OR1J2: variants seen among roughly 807,000 people sequenced by gnomAD.
OR1J2 encodes olfactory receptor family 1 subfamily J member 2.
For synonymous variants in OR1J2, 142 were observed against 99.7 expected (o/e 1.42, Z -2.52); for missense variants, 304 against 246.1 (o/e 1.24, Z -1.57).
chr9:122,451,249 G>A, the OR1J2 span, among the ~76,000 whole-genome samples: 12 of 151,022 alleles, frequency 7.9e-5, no homozygotes, highest in Admixed American at 5.3e-4. Flanking sequence ...GCAATGGCGC[G>A]ATCTCAGCTC....
chr9:122,496,176 T>C, the OR1J2 span, among the ~76,000 whole-genome samples: 1 of 152,176 alleles, frequency 6.6e-6, no homozygotes, highest in African/African-American at 2.4e-5. Context: ...CTCCAGCAAG[T>C]AGGTGGTGCT....
chr9:122,523,320 A>G, the OR1J2 span, among the ~76,000 whole-genome samples: 2 of 152,084 alleles, frequency 1.3e-5, no homozygotes, highest in African/African-American at 4.8e-5. Context: ...GGAGACAAAG[A>G]CTATATTGTG....
the OR1J2 span, among the ~76,000 whole-genome samples, chr9:122,462,101 G>T: frequency 2.0e-5 from 3 of 152,162 alleles, no homozygotes; most frequent in Non-Finnish European, 2.9e-5. Flanking sequence ...GGGAGCTCTA[G>T]TGTTAGGTGC....
chr9:122,525,371 CAAACTT>C, the OR1J2 span, among the ~76,000 whole-genome samples: 93 of 152,224 alleles, frequency 6.1e-4, no homozygotes, highest in Admixed American at 1.6e-3. Context: ...GTCTGAGAAA[CAAACTT>C]AAATGAGGAA....
At chr9:122,513,670 G>A (rs1828666277), downstream of OR1J2, among the ~76,000 whole-genome samples, 1 of 151,946 alleles carries the variant, frequency 6.6e-6, no homozygotes, top group Admixed American at 6.6e-5. Context: ...TTAGGTATTT[G>A]TCCTAATGCT....
the OR1J2 span, among the ~76,000 whole-genome samples, chr9:122,534,830 A>C: frequency 6.6e-6 from 1 of 152,276 alleles, no homozygotes; most frequent in Middle Eastern, 3.4e-3. Flanking sequence ...GAATGCCTGG[A>C]CGTCAGGCAC....
chr9:122,461,394 A>AT, the OR1J2 span, among the ~76,000 whole-genome samples: 34,946 of 148,720 alleles, frequency 0.23, 4,357 homozygotes, highest in East Asian at 0.37. Context: ...TATCTTTTGT[A>AT]TTTTTTTTTG....
chr9:122,477,638 A>G, the OR1J2 span: 3 of 1,614,240 alleles, frequency 1.9e-6, no homozygotes, highest in South Asian at 1.1e-5. Flanking sequence ...TGTGAAATGC[A>G]TCCCTTGTAA....
the OR1J2 span, among the ~76,000 whole-genome samples, chr9:122,539,664 G>C: frequency 6.6e-6 from 1 of 152,004 alleles, no homozygotes; most frequent in Non-Finnish European, 1.5e-5. Context: ...GGTATTTCTA[G>C]TTCTAGATCC....
the OR1J2 span, among the ~76,000 whole-genome samples, chr9:122,573,669 A>T: frequency 6.6e-6 from 1 of 152,284 alleles, no homozygotes; most frequent in African/African-American, 2.4e-5. Flanking sequence ...GTTTTGTGCA[A>T]ATATTTTCTC....
At chr9:122,572,870 A>T in the OR1J2 span, 1 of 152,240 alleles carries the variant, frequency 6.6e-6, no homozygotes, top group Non-Finnish European at 1.5e-5. Flanking sequence ...TTCTTAGCCA[A>T]AGCTCAGCTT....
the OR1J2 span, chr9:122,519,340 CT>C: frequency 6.2e-7 from 1 of 1,614,056 alleles, no homozygotes; most frequent in Admixed American, 1.7e-5. Flanking sequence ...AGCCACTTGG[CT>C]CTCACTGACA....
the OR1J2 span, among the ~76,000 whole-genome samples, chr9:122,560,150 C>T: frequency 1.1e-4 from 16 of 152,160 alleles, no homozygotes; most frequent in South Asian, 2.1e-3. Flanking sequence ...AGGATCACAA[C>T]CCCTCTTTTT....
At chr9:122,577,476 A>T in the OR1J2 span, among the ~76,000 whole-genome samples, 1 of 152,348 alleles carries the variant, frequency 6.6e-6, no homozygotes, top group East Asian at 1.9e-4. Context: ...CTCAATAATA[A>T]AAAAGTGCAA....
chr9:122,538,868 C>G, the OR1J2 span, among the ~76,000 whole-genome samples: 1 of 152,114 alleles, frequency 6.6e-6, no homozygotes, highest in African/African-American at 2.4e-5. Flanking sequence ...ATAACAGACA[C>G]TGGAGACTCC....
At chr9:122,535,984 G>A in the OR1J2 span, among the ~76,000 whole-genome samples, 1 of 152,150 alleles carries the variant, frequency 6.6e-6, no homozygotes, top group African/African-American at 2.4e-5. Flanking sequence ...GATGAGCCAG[G>A]AGAAGGAATT....
the OR1J2 span, among the ~76,000 whole-genome samples, chr9:122,563,966 A>G: frequency 1.1e-3 from 162 of 152,194 alleles, 2 homozygotes; most frequent in East Asian, 0.03. Context: ...TTCATTATCC[A>G]TATGTCTGTA....
the OR1J2 span, chr9:122,519,822 G>T: frequency 1.9e-6 from 3 of 1,614,038 alleles, no homozygotes. Context: ...CATCCTCAAG[G>T]CTCCATCTAC....
the OR1J2 span, among the ~76,000 whole-genome samples, chr9:122,459,879 T>C: frequency 2.3e-3 from 350 of 152,242 alleles, no homozygotes; most frequent in African/African-American, 8.0e-3. Context: ...CCAAAGTCTA[T>C]TGAATTAGAT....
Sources: gnomAD v4.1 joint callset for allele counts (sites outside exome capture counted in the v4.1 genomes callset) on GRCh38, gnomAD v4.1.1 for gene constraint, MANE v1.5 for transcripts, NCBI Gene and HGNC (gene_info 2026-07-23, HGNC 2026-07-21) for gene names.